Variants in LIN9 observed in about 807,000 individuals in gnomAD.
The protein encoded by LIN9 is lin-9 DREAM MuvB core complex component.
Under a neutral mutation model 78.0 loss-of-function variants are expected in LIN9, and 18 were observed. The observed-to-expected ratio is 0.23, with a 90% CI of 0.16 to 0.34. The LOEUF (loss-of-function observed/expected upper bound fraction) is 0.34, where lower values mean the gene tolerates loss of function less well. Among genes scored for constraint, LIN9 ranks in the 10% least tolerant of loss-of-function variants. The pLI is 1.00. For missense variants in LIN9, 451 were observed against 644.1 expected (o/e 0.70, Z 3.25); for synonymous variants, 192 against 215.2 (o/e 0.89, Z 0.94).
chr1:226,279,278 G>A (rs979553100), intron 6 of LIN9, among the ~76,000 whole-genome samples: 2 of 152,060 alleles, frequency 1.3e-5, no homozygotes, highest in African/African-American at 4.8e-5. Flanking sequence ...ACCAGCCTGG[G>A]CAACATAGTG....
intron 6 of LIN9, among the ~76,000 whole-genome samples, chr1:226,284,415 G>C (rs1661271102): frequency 6.6e-6 from 1 of 151,834 alleles, no homozygotes; most frequent in South Asian, 2.1e-4. Flanking sequence ...GTGAATTTTA[G>C]AATTAACTCA....
At chr1:226,289,910 A>G (rs941957778) in intron 4 of LIN9, among the ~76,000 whole-genome samples, 1 of 145,558 alleles carries the variant, frequency 6.9e-6, no homozygotes, top group African/African-American at 2.5e-5. Context: ...TAAATTCCAG[A>G]TGTACTGAAG....
At chr1:226,309,508 G>A, upstream of LIN9, 1 of 1,133,232 alleles carries the variant, frequency 8.8e-7, no homozygotes, top group Non-Finnish European at 1.1e-6. Context: ...GCAGCTGCGG[G>A]AACTGCAGGC....
At chr1:226,253,942 T>G (rs1659020000) in intron 10 of LIN9, among the ~76,000 whole-genome samples, 2 of 151,882 alleles carry the variant, frequency 1.3e-5, no homozygotes, top group African/African-American at 2.4e-5. Flanking sequence ...AAGAAAGAAA[T>G]AATAAGGCCG....
intron 7 of LIN9, among the ~76,000 whole-genome samples, chr1:226,272,660 T>C (rs986735602): frequency 6.6e-6 from 1 of 151,630 alleles, no homozygotes; most frequent in Non-Finnish European, 1.5e-5. Flanking sequence ...TCCCCTGGAA[T>C]GTGTCTAGAC....
chr1:226,264,128 A>T (rs1319364142), intron 10 of LIN9, among the ~76,000 whole-genome samples: 1 of 152,158 alleles, frequency 6.6e-6, no homozygotes, highest in East Asian at 1.9e-4. Flanking sequence ...CATGCCTGCA[A>T]TTCCAGCACT....
At chr1:226,235,972 G>T (rs1657679772) in intron 12 of LIN9, among the ~76,000 whole-genome samples, 1 of 151,856 alleles carries the variant, frequency 6.6e-6, no homozygotes, top group African/African-American at 2.4e-5. Flanking sequence ...TTTCGTATTT[G>T]CTTTTTGCAT....
intron 6 of LIN9, among the ~76,000 whole-genome samples, chr1:226,278,252 A>G (rs1660794431): frequency 6.6e-6 from 1 of 152,148 alleles, no homozygotes; most frequent in Non-Finnish European, 1.5e-5. Flanking sequence ...AACATGGCCA[A>G]ACCACGTCTC....
intron 11 of LIN9, among the ~76,000 whole-genome samples, chr1:226,245,010 A>C (rs374079024): frequency 1.3e-4 from 20 of 152,244 alleles, no homozygotes; most frequent in African/African-American, 3.9e-4. Flanking sequence ...CCAGGAGTGC[A>C]ACTGCTAAAT....
At position 226,265,968 on chromosome 1, in the gene LIN9, C is replaced by T. The variant is rs1025852388; in HGVS notation, c.936+245G>A. On this transcript the variant is annotated intron_variant, in intron 9 of 14. Transcript: ENST00000681046. The surrounding 1 kb of genome is among the most constrained non-coding windows in gnomAD (Gnocchi z 4.1). ...CTGGGATTACAGGCGTGAGCCACTGCGCCCGGCCAGGAAGTATCTTATTTT... is the reference window on the plus strand; with the variant it reads ...CTGGGATTACAGGCGTGAGCCACTGTGCCCGGCCAGGAAGTATCTTATTTT... Among the ~76,000 whole-genome samples the T allele has an allele frequency of 6.6e-6, 1 of 152,088 alleles. No homozygotes were observed. Among genetic ancestry groups the T allele is most frequent in the Non-Finnish European group, 1.5e-5 (1 of 68,030 alleles).
chr1:226,309,457 G>A (rs1402730698), upstream of LIN9: 3 of 1,092,896 alleles, frequency 2.7e-6, no homozygotes, highest in Non-Finnish European at 3.4e-6. Flanking sequence ...CCGGAGTCCC[G>A]CCCGGGCCCC....
At chr1:226,258,366 T>G (rs1325552822) in intron 10 of LIN9, among the ~76,000 whole-genome samples, 1 of 149,602 alleles carries the variant, frequency 6.7e-6, no homozygotes, top group African/African-American at 2.5e-5. Flanking sequence ...CCAGATGTGG[T>G]GGAGGACGCA....
At chr1:226,309,350 T>C (rs1307656899), upstream of LIN9, 5 of 988,474 alleles carry the variant, frequency 5.1e-6, no homozygotes, top group African/African-American at 1.8e-5. Flanking sequence ...GCCTCGCCCC[T>C]CCGCCGCCGC....
rs1350599176 is a variant in LIN9 at position 226,232,269 on chromosome 1, CAT to C, written c.*230_*231del. 1.5e-5 allele frequency: 6 copies of C among 404,908 alleles called. No individual in the cohort carries two copies. Among genetic ancestry groups the C allele is most frequent in the African/African-American group, 4.1e-5 (2 of 48,644 alleles). 25.1% of individuals were successfully genotyped at this position (404,908 alleles called of 1,614,324 possible). On this transcript the variant is annotated 3_prime_UTR_variant, in exon 15 of 15. Coordinates refer to ENST00000681046, the MANE Select transcript of LIN9 (RefSeq NM_001366245.2). ...GTTTAAAAATATTTGTGAATATAAA[CAT>C]ATGTAACATAAGCAATGCTACTGCA...
chr1:226,309,377 C>CGGGAGGAA (rs1213533766), upstream of LIN9: 7 of 987,348 alleles, frequency 7.1e-6, no homozygotes, highest in Middle Eastern at 5.1e-4. Flanking sequence ...CCGAGCCGGG[C>CGGGAGGAA]GGGAGGAAGG....
chr1:226,297,006 C>G (rs535417059), intron 3 of LIN9, among the ~76,000 whole-genome samples: 2 of 152,086 alleles, frequency 1.3e-5, no homozygotes, highest in Non-Finnish European at 2.9e-5. Flanking sequence ...AAAAGAAAAA[C>G]AAAAAGAAAT....
chr1:226,293,218 A>G (rs1240479071), intron 4 of LIN9, among the ~76,000 whole-genome samples: 2 of 152,200 alleles, frequency 1.3e-5, no homozygotes, highest in Non-Finnish European at 2.9e-5. Flanking sequence ...AAAACTTTTC[A>G]CATACTTGAA....
chr1:226,244,392 T>C (rs1218783049), intron 11 of LIN9, among the ~76,000 whole-genome samples: 1 of 151,802 alleles, frequency 6.6e-6, no homozygotes, highest in Non-Finnish European at 1.5e-5. Flanking sequence ...AGATCGTGCC[T>C]CTCCACTCCA....
At chr1:226,289,640 G>T (rs1661597415) in intron 4 of LIN9, among the ~76,000 whole-genome samples, 1 of 152,046 alleles carries the variant, frequency 6.6e-6, no homozygotes, top group Admixed American at 6.6e-5. Flanking sequence ...AGGATTACAG[G>T]TATGAGCTGC....
Sources: allele counts gnomAD v4.1 joint callset (sites outside exome capture counted in the v4.1 genomes callset), GRCh38; gene constraint gnomAD v4.1.1; non-coding constraint Gnocchi (gnomAD v3.1); transcripts MANE v1.5; gene names NCBI Gene and HGNC (gene_info 2026-07-23, HGNC 2026-07-21).